Variants in CELF1 observed in about 807,000 individuals in gnomAD.
CELF1 encodes CUGBP Elav-like family member 1, also known as 50 kDa nuclear polyadenylated RNA-binding protein.
CELF1 carries 10 observed loss-of-function variants against 61.8 expected under a neutral mutation model. That is an observed-to-expected ratio of 0.16 (90% CI 0.10 to 0.27). CELF1 has a LOEUF of 0.27. CELF1 is among the 10% of genes least tolerant of loss of function. The probability of loss-of-function intolerance (pLI) is 1.00; values close to 1 mark genes in which losing one functional copy is unlikely to be tolerated. For synonymous variants in CELF1, 236 were observed against 225.1 expected, an observed-to-expected ratio of 1.05 and a Z score of -0.43; for missense variants, 380 against 639.1, an observed-to-expected ratio of 0.59 and a Z score of 4.37.
chr11:47,526,941 C>T (rs1046098615), intron 1 of CELF1, among the ~76,000 whole-genome samples: 1 of 151,954 alleles, frequency 6.6e-6, no homozygotes, highest in Non-Finnish European at 1.5e-5. Flanking sequence ...ATCCCAGCTA[C>T]TCAGGAGGCT....
At chr11:47,538,050 G>A (rs771212611) in intron 1 of CELF1, among the ~76,000 whole-genome samples, 6 of 151,888 alleles carry the variant, frequency 4.0e-5, no homozygotes, top group Non-Finnish European at 8.8e-5. Flanking sequence ...CAAATAGCTA[G>A]GACTACAGGT....
At chr11:47,486,868 A>T (rs1225954818) in intron 5 of CELF1, 70 bp from the exon 6 acceptor site, 2 of 1,162,938 alleles carry the variant, frequency 1.7e-6, no homozygotes, top group East Asian at 2.3e-5. Context: ...ATGGACTCTA[A>T]AATACCAGAA....
Position 47,479,403 on chromosome 11 carries a change from C to A in CELF1, c.769-451G>T, listed in dbSNP as rs184944985. 6.6e-5 allele frequency among the ~76,000 whole-genome samples: 10 copies of A among 152,356 alleles called. No individual in the cohort carries two copies. The East Asian group carries it at 1.5e-3, about 23-fold the overall frequency. ...ATCTGGATACTCAATTTCTACTTCA[C>A]ACAACTATTTTAAATATCAAATCTA... On this transcript the variant is annotated intron_variant, in intron 9 of 14. Transcript: ENST00000687097.
At chr11:47,501,228 C>A (rs1329018188) in intron 1 of CELF1, among the ~76,000 whole-genome samples, 1 of 152,188 alleles carries the variant, frequency 6.6e-6, no homozygotes, top group Admixed American at 6.5e-5. Flanking sequence ...GAGCTCTCTT[C>A]CACCCTATTA....
chr11:47,491,470 A>G (rs2091457944), intron 3 of CELF1, among the ~76,000 whole-genome samples: 1 of 152,186 alleles, frequency 6.6e-6, no homozygotes, highest in Non-Finnish European at 1.5e-5. Context: ...TGAATCTTTT[A>G]TAATTCAACA....
chr11:47,504,057 C>T (rs1051500163), intron 1 of CELF1, among the ~76,000 whole-genome samples: 4 of 152,254 alleles, frequency 2.6e-5, no homozygotes, highest in Middle Eastern at 6.8e-3. Flanking sequence ...ATACTGTAGT[C>T]TCAGCTACTC....
intron 1 of CELF1, among the ~76,000 whole-genome samples, chr11:47,514,581 C>T (rs1279854717): frequency 6.6e-6 from 1 of 150,712 alleles, no homozygotes; most frequent in Non-Finnish European, 1.5e-5. Flanking sequence ...TTTGGCCAGG[C>T]ATGATGGCTC....
chr11:47,483,065 C>A (rs1301410116), intron 8 of CELF1, among the ~76,000 whole-genome samples: 3 of 151,776 alleles, frequency 2.0e-5, no homozygotes, highest in African/African-American at 7.3e-5. Flanking sequence ...AATTTTAGAC[C>A]AGCCTGGGCA....
intron 1 of CELF1, among the ~76,000 whole-genome samples, chr11:47,519,466 C>T (rs779686779): frequency 4.7e-5 from 7 of 150,200 alleles, no homozygotes; most frequent in Non-Finnish European, 1.0e-4. Flanking sequence ...TGTGACAGAG[C>T]GAGACTCCAT....
At position 47,546,233 on chromosome 11, in the gene CELF1, T is replaced by A. The variant is rs576187273; in HGVS notation, c.-154+6759A>T. ...TCATGCAATTGACAGATACTCTCAG[T>A]ATCTTTTTTTTTTTTTTTTTGGGCG... On this transcript the variant is annotated intron_variant, in intron 1 of 14. Transcript: ENST00000687097. Among the ~76,000 whole-genome samples, 9 of 112,704 alleles carry A rather than the reference T, an allele frequency of 8.0e-5. No homozygotes were observed. In the East Asian group the frequency reaches 2.1e-3, roughly 27 times the overall value. 73.9% of individuals were successfully genotyped at this position (112,704 alleles called of 152,430 possible).
chr11:47,474,999 T>C (rs2079349637), intron 13 of CELF1, among the ~76,000 whole-genome samples: 2 of 152,206 alleles, frequency 1.3e-5, no homozygotes. Flanking sequence ...AGACAGAAGA[T>C]CCTCTGATAG....
intron 12 of CELF1, among the ~76,000 whole-genome samples, chr11:47,475,893 T>A (rs1204946232): frequency 2.0e-5 from 3 of 152,216 alleles, no homozygotes; most frequent in Non-Finnish European, 4.4e-5. Context: ...TGACAAGATG[T>A]GGGTGAACCC....
At chr11:47,533,807 CCCAAAA>C (rs1475451628) in intron 1 of CELF1, among the ~76,000 whole-genome samples, 750 of 67,604 alleles carry the variant, frequency 0.011, 12 homozygotes, top group African/African-American at 0.035. Context: ...GAGACTCTCC[CCCAAAA>C]AAAAAAAAAA....
At chr11:47,521,328 T>C (rs1265511254) in intron 1 of CELF1, among the ~76,000 whole-genome samples, 2 of 152,242 alleles carry the variant, frequency 1.3e-5, no homozygotes, top group Non-Finnish European at 2.9e-5. Flanking sequence ...ATCATATAGT[T>C]ATTTTCATAA....
chr11:47,485,451 G>C (rs1398727351), intron 6 of CELF1, among the ~76,000 whole-genome samples: 1 of 152,206 alleles, frequency 6.6e-6, no homozygotes, highest in Non-Finnish European at 1.5e-5. Flanking sequence ...GATTACAGGT[G>C]TGCGCCACTG....
intron 3 of CELF1, among the ~76,000 whole-genome samples, chr11:47,492,862 A>T (rs575542724): frequency 3.7e-4 from 56 of 152,346 alleles, no homozygotes; most frequent in Admixed American, 3.3e-4. Context: ...TCTATTCTAG[A>T]GTGGGTTAAC....
At chr11:47,528,290 G>T (rs1057085760) in intron 1 of CELF1, among the ~76,000 whole-genome samples, 2 of 152,094 alleles carry the variant, frequency 1.3e-5, no homozygotes, top group Non-Finnish European at 2.9e-5. Context: ...GGGTCCATAT[G>T]TATGGCCCAT....
intron 1 of CELF1, among the ~76,000 whole-genome samples, chr11:47,518,975 C>T (rs1187183194): frequency 6.6e-6 from 1 of 152,148 alleles, no homozygotes; most frequent in Non-Finnish European, 1.5e-5. Context: ...AAGCAGGAAA[C>T]TTTATTTTCT....
At chr11:47,556,367 A>G (rs1359305781), upstream of CELF1, among the ~76,000 whole-genome samples, 1 of 152,050 alleles carries the variant, frequency 6.6e-6, no homozygotes, top group East Asian at 1.9e-4. Flanking sequence ...TTTCTTTTGT[A>G]GAGACAGGGG....
Sources: gnomAD v4.1 joint callset for allele counts (sites outside exome capture counted in the v4.1 genomes callset) on GRCh38, gnomAD v4.1.1 for gene constraint, MANE v1.5 for transcripts, NCBI Gene and HGNC (gene_info 2026-07-23, HGNC 2026-07-21) for gene names.